Variants in CERS1 observed in about 807,000 individuals in gnomAD.
CERS1 encodes the protein Embryonic growth/differentiation factor 1.
CERS1 carries 16 observed loss-of-function variants against 35.7 expected under a neutral mutation model. The observed-to-expected ratio is 0.45, with a 90% CI of 0.30 to 0.68. The LOEUF is 0.68. Ranked by LOEUF, CERS1 falls within the 30% of genes least tolerant of loss-of-function variation. The probability of loss-of-function intolerance (pLI) is 0.08; values close to 1 mark genes in which losing one functional copy is unlikely to be tolerated. For missense variants in CERS1, 454 were observed against 453.9 expected (o/e 1.00, Z 0.00); for synonymous variants, 243 against 201.6 (o/e 1.21, Z -1.74).
chr19:18,868,932 C>G lies in CERS1; in HGVS notation c.*1053G>C, dbSNP rs1280087615. On this transcript the variant is annotated 3_prime_UTR_variant, in exon 8 of 8. Transcript: ENST00000623882. ...CGCGCGCGACAAGCGCCCCCGGGGC[C>G]GCCGCCCAACACGGGTTCGGCGTCG... is the stretch of plus-strand genomic sequence containing the variant. 3.8e-6 allele frequency: 5 copies of G among 1,318,574 alleles called. No individual in the cohort carries two copies. The highest frequency in any genetic ancestry group is 3.9e-6 in the Non-Finnish European group (4 of 1,025,394). 81.7% of individuals were successfully genotyped at this position (1,318,574 alleles called of 1,614,324 possible). A position where few individuals can be genotyped will look rare whatever the true frequency, so the allele number is the denominator to read the frequency against.
At position 18,893,494 on chromosome 19, in the gene CERS1, C is replaced by T. The variant is rs17852016; in HGVS notation, c.331G>A (p.Gly111Ser). 6.2e-7 allele frequency: 1 copy of T among 1,608,998 alleles called. No individual in the cohort carries two copies. Among genetic ancestry groups the T allele is most frequent in the Non-Finnish European group, 8.5e-7 (1 of 1,178,006 alleles). ...AGGTAGGCACTGTAGCTCCAGCTGCCCAGGTAGAAGAGAAACTTCCAAGCG... is the reference window on the plus strand; with the variant it reads ...AGGTAGGCACTGTAGCTCCAGCTGCTCAGGTAGAAGAGAAACTTCCAAGCG... ...ESAWKFLFYL[G>S]SWSYSAYLLF... The change falls in exon 2 of 8, where the codon GGC becomes AGC. Residue 111 changes from glycine (G) to serine (S), a missense_variant. By Grantham distance (56) the Gly-to-Ser change is moderately conservative. Coordinates refer to ENST00000623882, the MANE Select transcript of CERS1 (RefSeq NM_021267.5).
At chr19:18,883,666 A>C (rs1482929172) in intron 3 of CERS1, among the ~76,000 whole-genome samples, 1 of 152,252 alleles carries the variant, frequency 6.6e-6, no homozygotes, top group East Asian at 1.9e-4. Flanking sequence ...TGAAAGGCTC[A>C]CTGACGGCTG....
intron 2 of CERS1, among the ~76,000 whole-genome samples, chr19:18,893,105 G>A (rs772124734): frequency 6.6e-6 from 1 of 152,040 alleles, no homozygotes; most frequent in Non-Finnish European, 1.5e-5. Flanking sequence ...AGTAGAGACG[G>A]GGTTTCACCA....
Position 18,884,088 on chromosome 19 carries a change from G to A in CERS1, c.589C>T (p.Arg197Trp), listed in dbSNP as rs780960529. 5.6e-6 allele frequency: 9 copies of A among 1,611,450 alleles called. No individual in the cohort carries two copies. The highest frequency in any genetic ancestry group is 2.2e-5 in the South Asian group (2 of 90,804). The change falls in exon 3 of 8, where the codon CGG (arginine) becomes TGG (tryptophan). Residue 197 changes from arginine to tryptophan, a missense_variant and splice_region_variant. By Grantham distance (101) the Arg-to-Trp change is moderately radical (BLOSUM62 -3). Coordinates refer to ENST00000623882, the MANE Select transcript of CERS1 (RefSeq NM_021267.5). The stretch of plus-strand genomic sequence containing the variant: ...CCTGCCACCCGATCCTGTCCTTACC[G>A]GAAGGCGTAGGAGGAGACGATGAGG... ...LILIVSSYAFRYHNVGILVLF... is the reference protein window; with the variant it reads ...LILIVSSYAFWYHNVGILVLF...
Position 18,869,260 on chromosome 19 carries a change from CGCGAAACGCA to C in CERS1, c.*715_*724del. 6.9e-7 allele frequency: 1 copy of C among 1,458,136 alleles called. No individual in the cohort carries two copies. 90.3% of individuals were successfully genotyped at this position (1,458,136 alleles called of 1,614,324 possible). A position where few individuals can be genotyped will look rare whatever the true frequency, so the allele number is the denominator to read the frequency against. ...CCTCCGGGGCTGCCGCCGCCGCCGC[CGCGAAACGCA>C]GCTCCAGGCGGGCCCGGCTCGGGCG... On this transcript the variant is annotated 3_prime_UTR_variant, in exon 8 of 8. Transcript: ENST00000623882.
Position 18,895,821 on chromosome 19 carries a change from G to C in CERS1, c.249+3C>G. The stretch of plus-strand genomic sequence containing the variant: ...CCTCGTCCCGGCCCCCGGCCACACT[G>C]ACCCGAAAGAGGCGCGCAGTGGCCG... On this transcript the variant is annotated splice_donor_region_variant and intron_variant, in intron 1 of 7. Transcript: ENST00000623882. The surrounding 1 kb of genome is among the most constrained non-coding windows in gnomAD (Gnocchi z 6.4). 7.9e-7 allele frequency: 1 copy of C among 1,269,234 alleles called. No homozygotes were observed. The highest frequency in any genetic ancestry group is 9.9e-7 in the Non-Finnish European group (1 of 1,005,266). The allele number at this position is 1,269,234 out of a possible 1,614,324, so 78.6% of individuals were successfully genotyped here.
intron 3 of CERS1, among the ~76,000 whole-genome samples, chr19:18,881,528 A>G (rs2056209048): frequency 6.6e-6 from 1 of 151,732 alleles, no homozygotes; most frequent in South Asian, 2.1e-4. Context: ...CCCCATTAGG[A>G]TCTTAATAAG....
chr19:18,885,521 T>TTG (rs1568302730), intron 2 of CERS1, among the ~76,000 whole-genome samples: 5 of 134,738 alleles, frequency 3.7e-5, no homozygotes, highest in Admixed American at 7.6e-5. Flanking sequence ...GTTTTTTTTT[T>TTG]TTTTTTTTTT....
chr19:18,868,898 T>TACAGCCGCCGCGCGCG lies in CERS1; in HGVS notation c.*1071_*1086dup. 7.1e-7 allele frequency: 1 copy of TACAGCCGCCGCGCGCG among 1,410,890 alleles called. No homozygotes were observed. The highest frequency in any genetic ancestry group is 9.3e-7 in the Non-Finnish European group (1 of 1,074,300). The allele number at this position is 1,410,890 out of a possible 1,614,324, so 87.4% of individuals were successfully genotyped here. A position where few individuals can be genotyped will look rare whatever the true frequency, so the allele number is the denominator to read the frequency against. On this transcript the variant is annotated 3_prime_UTR_variant, in exon 8 of 8. Transcript: ENST00000623882. ...CCAGCCCACCTCGCGGAAGCTCACG[T>TACAGCCGCCGCGCGCG]ACAGCCGCCGCGCGCGACAAGCGCC... is the stretch of plus-strand genomic sequence containing the variant.
chr19:18,889,642 T>G (rs1299109517), intron 2 of CERS1, among the ~76,000 whole-genome samples: 3 of 151,958 alleles, frequency 2.0e-5, no homozygotes, highest in Non-Finnish European at 2.9e-5. Context: ...ATTCCCAAGG[T>G]TGGTCTCGAA....
intron 3 of CERS1, 33 bp from the exon 4 acceptor site, chr19:18,880,468 G>T: frequency 6.5e-7 from 1 of 1,544,140 alleles, no homozygotes; most frequent in Non-Finnish European, 8.8e-7. Flanking sequence ...GGAGAGGGCA[G>T]CTCACATTGG....
intron 2 of CERS1, among the ~76,000 whole-genome samples, chr19:18,891,182 G>A (rs1402627167): frequency 6.6e-6 from 1 of 152,008 alleles, no homozygotes; most frequent in Non-Finnish European, 1.5e-5. Flanking sequence ...AAGGAAAACT[G>A]AGCAACAGCT....
Position 18,869,400 on chromosome 19 carries a change from T to G in CERS1, c.*595-10A>C. On this transcript the variant is annotated splice_polypyrimidine_tract_variant and intron_variant, in intron 7 of 7. Transcript: ENST00000623882. ...GCCCGGGTGGGCGCACCTGGGGAGG[T>G]AGGAACAGGAACTCGGCTCGCGCTG... is the stretch of plus-strand genomic sequence containing the variant. 8 of 1,523,562 alleles carry G rather than the reference T, an allele frequency of 5.3e-6. No individual in the cohort carries two copies. The highest frequency in any genetic ancestry group is 2.0e-5 in the Admixed American group (1 of 50,290). 94.4% of individuals were successfully genotyped at this position (1,523,562 alleles called of 1,614,324 possible). A position where few individuals can be genotyped will look rare whatever the true frequency, so the allele number is the denominator to read the frequency against.
At position 18,869,170 on chromosome 19, in the gene CERS1, C is replaced by T. The variant is rs1232378665; in HGVS notation, c.*815G>A. 8.7e-7 allele frequency: 1 copy of T among 1,147,818 alleles called. No homozygotes were observed. Among genetic ancestry groups the T allele is most frequent in the South Asian group, 3.3e-5 (1 of 30,492 alleles). 71.1% of individuals were successfully genotyped at this position (1,147,818 alleles called of 1,614,324 possible). ...CCAGGGCGGGCACCAACTGGCGGAG[C>T]AGCACCGGCCCGGGGTCCGCGCCCG... On this transcript the variant is annotated 3_prime_UTR_variant, in exon 8 of 8. Transcript: ENST00000623882.
Position 18,868,931 on chromosome 19 carries a change from C to G in CERS1, c.*1054G>C. 7.6e-7 allele frequency: 1 copy of G among 1,320,640 alleles called. No individual in the cohort carries two copies. Among genetic ancestry groups the G allele is most frequent in the Non-Finnish European group, 9.7e-7 (1 of 1,026,390 alleles). 81.8% of individuals were successfully genotyped at this position (1,320,640 alleles called of 1,614,324 possible). A position where few individuals can be genotyped will look rare whatever the true frequency, so the allele number is the denominator to read the frequency against. ...CCGCGCGCGACAAGCGCCCCCGGGG[C>G]CGCCGCCCAACACGGGTTCGGCGTC... On this transcript the variant is annotated 3_prime_UTR_variant, in exon 8 of 8. Coordinates refer to ENST00000623882, the MANE Select transcript of CERS1 (RefSeq NM_021267.5).
At position 18,870,017 on chromosome 19, in the gene CERS1, G is replaced by T; in HGVS notation, c.*560C>A. 2 of 1,596,872 alleles carry T rather than the reference G, an allele frequency of 1.3e-6. No individual in the cohort carries two copies. The highest frequency in any genetic ancestry group is 8.5e-7 in the Non-Finnish European group (1 of 1,173,762). Reference sequence around the variant, plus strand: ...GGATGTGGCGCACGATGTTTCCGGCGACCCCCAGCTCCTCCACGTGGCACG... The same window carrying T: ...GGATGTGGCGCACGATGTTTCCGGCTACCCCCAGCTCCTCCACGTGGCACG... On this transcript the variant is annotated 3_prime_UTR_variant, in exon 7 of 8. Coordinates refer to ENST00000623882, the MANE Select transcript of CERS1 (RefSeq NM_021267.5). The surrounding 1 kb of genome is among the most constrained non-coding windows in gnomAD (Gnocchi z 5.1).
At chr19:18,869,870 A>G in intron 7 of CERS1, 113 bp downstream of exon 7, 1 of 1,039,254 alleles carries the variant, frequency 9.6e-7, no homozygotes, top group South Asian at 1.4e-5. Flanking sequence ...AGTAGCCTGG[A>G]CAGGGCGGGT....
At position 18,868,722 on chromosome 19, in the gene CERS1, C is replaced by T. The variant is rs1057491518; in HGVS notation, c.*1263G>A. 14 of 1,541,270 alleles carry T rather than the reference C, an allele frequency of 9.1e-6. No homozygotes were observed. The highest frequency in any genetic ancestry group is 1.2e-5 in the Non-Finnish European group (14 of 1,141,240). ...GCGGGCACGCAGCAGGGCAGGTCGGCGGCTCCCGGGGCGGCCGCGTGCATG... is the reference window on the plus strand; with the variant it reads ...GCGGGCACGCAGCAGGGCAGGTCGGTGGCTCCCGGGGCGGCCGCGTGCATG... On this transcript the variant is annotated 3_prime_UTR_variant, in exon 8 of 8. Transcript: ENST00000623882.
chr19:18,868,883 TCGCGGAAGCTCACGTACAGCCGCCG>T lies in CERS1; in HGVS notation c.*1077_*1101del. On this transcript the variant is annotated 3_prime_UTR_variant, in exon 8 of 8. Transcript: ENST00000623882. The stretch of plus-strand genomic sequence containing the variant: ...GATGACCCAGCGGTGCCAGCCCACC[TCGCGGAAGCTCACGTACAGCCGCCG>T]CGCGCGACAAGCGCCCCCGGGGCCG... 3 of 1,430,892 alleles carry T rather than the reference TCGCGGAAGCTCACGTACAGCCGCCG, an allele frequency of 2.1e-6. No individual in the cohort carries two copies. Among genetic ancestry groups the T allele is most frequent in the Non-Finnish European group, 2.8e-6 (3 of 1,084,674 alleles). 88.6% of individuals were successfully genotyped at this position (1,430,892 alleles called of 1,614,324 possible). A position where few individuals can be genotyped will look rare whatever the true frequency, so the allele number is the denominator to read the frequency against.
Sources: allele counts gnomAD v4.1 joint callset (sites outside exome capture counted in the v4.1 genomes callset), GRCh38; gene constraint gnomAD v4.1.1; non-coding constraint Gnocchi (gnomAD v3.1); transcripts MANE v1.5; gene names NCBI Gene and HGNC (gene_info 2026-07-23, HGNC 2026-07-21).